ADD3: variants seen among roughly 807,000 people sequenced by gnomAD.
ADD3 encodes adducin 3.
ADD3 carries 25 observed loss-of-function variants against 80.2 expected under a neutral mutation model. The ratio of observed to expected loss-of-function variants is 0.31; its 90% CI spans 0.23 to 0.44. The LOEUF (loss-of-function observed/expected upper bound fraction) is 0.44. Ranked by LOEUF, ADD3 falls within the 20% of genes least tolerant of loss-of-function variation. The pLI, the probability that ADD3 is intolerant of heterozygous loss-of-function variation, is 1.00. For missense variants in ADD3, 829 were observed against 847.5 expected, an observed-to-expected ratio of 0.98 and a Z score of 0.27; for synonymous variants, 284 against 289.6, an observed-to-expected ratio of 0.98 and a Z score of 0.20.
intron 1 of ADD3, among the ~76,000 whole-genome samples, chr10:110,063,999 A>G (rs531009210): frequency 6.6e-6 from 1 of 151,810 alleles, no homozygotes; most frequent in Non-Finnish European, 1.5e-5. Flanking sequence ...GAATCATTCA[A>G]TATCTACTCT....
Position 110,026,740 on chromosome 10 carries a change from A to T in ADD3, c.-30+18441A>T, listed in dbSNP as rs565887621. ...AAAAATCTTATAGGTCAGTTTTTAT[A>T]AAAACTATGTAATATTTCTTTTAAG... On this transcript the variant is annotated intron_variant, in intron 1 of 14. Coordinates refer to ENST00000356080, the MANE Select transcript of ADD3 (RefSeq NM_016824.5). Among the ~76,000 whole-genome samples, 8 of 152,118 alleles carry T rather than the reference A, an allele frequency of 5.3e-5. No homozygotes were observed. The South Asian group carries it at 1.7e-3, about 32-fold the overall frequency.
intron 1 of ADD3, among the ~76,000 whole-genome samples, chr10:110,049,704 G>T (rs539297662): frequency 6.6e-6 from 1 of 152,104 alleles, no homozygotes; most frequent in Admixed American, 6.6e-5. Flanking sequence ...TGGCTAACAC[G>T]GTGAAACCCC....
chr10:110,092,181 G>C (rs750549827), intron 1 of ADD3, among the ~76,000 whole-genome samples: 1 of 152,114 alleles, frequency 6.6e-6, no homozygotes, highest in Non-Finnish European at 1.5e-5. Context: ...ATTTAAAACA[G>C]AACTACCATT....
At chr10:110,019,275 T>C (rs1388001198) in intron 1 of ADD3, among the ~76,000 whole-genome samples, 1 of 152,202 alleles carries the variant, frequency 6.6e-6, no homozygotes, top group Non-Finnish European at 1.5e-5. Context: ...TCACTCAGAC[T>C]TGTCATGTTT....
chr10:110,003,302 G>GGTGTGTGTGTGTGTGTGTGTGTGTGTGT (rs1554893815), upstream of ADD3, among the ~76,000 whole-genome samples: 37 of 147,026 alleles, frequency 2.5e-4, no homozygotes, highest in African/African-American at 7.9e-4. Flanking sequence ...GAACAGTAAG[G>GGTGTGTGTGTGTGTGTGTGTGTGTGTGT]GTGTGTGTGT....
intron 1 of ADD3, among the ~76,000 whole-genome samples, chr10:110,059,630 G>A (rs1278090227): frequency 2.0e-5 from 3 of 152,008 alleles, no homozygotes; most frequent in Non-Finnish European, 4.4e-5. Flanking sequence ...TTAGCCGGGC[G>A]TGGTGGCTTG....
At chr10:110,116,701 T>C (rs1380934472) in intron 4 of ADD3, among the ~76,000 whole-genome samples, 1 of 152,232 alleles carries the variant, frequency 6.6e-6, no homozygotes, top group Non-Finnish European at 1.5e-5. Flanking sequence ...TCCATGATAA[T>C]TATGTCTGAG....
chr10:110,042,110 C>A (rs1330609389), intron 1 of ADD3, among the ~76,000 whole-genome samples: 1 of 152,074 alleles, frequency 6.6e-6, no homozygotes, highest in African/African-American at 2.4e-5. Context: ...TGGAAATAAA[C>A]TTTGTGATTA....
chr10:110,081,301 A>G (rs1008711079), intron 1 of ADD3, among the ~76,000 whole-genome samples: 1 of 152,188 alleles, frequency 6.6e-6, no homozygotes, highest in African/African-American at 2.4e-5. Context: ...AAGACCTTCT[A>G]GCAGCCAAGC....
chr10:109,996,850 T>C (rs1168123158), intron 1 of ADD3, among the ~76,000 whole-genome samples: 5 of 152,228 alleles, frequency 3.3e-5, no homozygotes, highest in Non-Finnish European at 1.5e-5. Flanking sequence ...CATGGAGCTC[T>C]TCACTCTCTT....
chr10:110,083,546 T>C (rs779449374), intron 1 of ADD3, among the ~76,000 whole-genome samples: 1 of 151,538 alleles, frequency 6.6e-6, no homozygotes, highest in Non-Finnish European at 1.5e-5. Context: ...AGAAGAAGTA[T>C]GGTGAGCAAA....
intron 2 of ADD3, among the ~76,000 whole-genome samples, chr10:110,107,586 T>C (rs1375114951): frequency 6.6e-6 from 1 of 152,182 alleles, no homozygotes; most frequent in Non-Finnish European, 1.5e-5. Context: ...CCATTTTGTT[T>C]ACACAATTTT....
At position 110,126,498 on chromosome 10, in the gene ADD3, C is replaced by A. The variant is rs756410209; in HGVS notation, c.1603C>A (p.Pro535Thr). ...TGCTGGAATTGTTGTGGATAAGCCA[C>A]CTTCTGTAAGTTTATGAAGTAGTAT... ...LLAGIVVDKP[P>T]STMQFEDDDH... Residue 535 changes from proline to threonine, a missense_variant, in exon 12 of 15, where the codon CCT becomes ACT. Pro to Thr is a conservative substitution (Grantham distance 38, BLOSUM62 -1). Coordinates refer to ENST00000356080, the MANE Select transcript of ADD3 (RefSeq NM_016824.5). 2.5e-6 allele frequency: 4 copies of A among 1,610,496 alleles called. No individual in the cohort carries two copies. The Admixed American group carries it at 6.7e-5, about 27-fold the overall frequency.
chr10:110,110,352 G>C (rs568844209), intron 2 of ADD3, among the ~76,000 whole-genome samples: 2 of 152,272 alleles, frequency 1.3e-5, no homozygotes, highest in South Asian at 4.1e-4. Flanking sequence ...ACTAGAGTCT[G>C]TTCAGTCCAC....
At chr10:110,002,462 G>C (rs1851505560), upstream of ADD3, among the ~76,000 whole-genome samples, 1 of 151,940 alleles carries the variant, frequency 6.6e-6, no homozygotes, top group African/African-American at 2.4e-5. Context: ...TTTTAGTAGA[G>C]ACGGGGTTTC....
intron 14 of ADD3, among the ~76,000 whole-genome samples, 167 bp from the exon 15 acceptor site, chr10:110,133,159 G>T (rs948362844): frequency 6.6e-6 from 1 of 152,002 alleles, no homozygotes; most frequent in Non-Finnish European, 1.5e-5. Context: ...TATCATTAAA[G>T]AAAATTAGCT....
chr10:110,048,291 T>G (rs1351713035), intron 1 of ADD3, among the ~76,000 whole-genome samples: 1 of 152,206 alleles, frequency 6.6e-6, no homozygotes, highest in Non-Finnish European at 1.5e-5. Context: ...TATCCAGCCT[T>G]GGGTATGTCT....
At chr10:110,003,203 A>G (rs1851520539), upstream of ADD3, among the ~76,000 whole-genome samples, 1 of 152,162 alleles carries the variant, frequency 6.6e-6, no homozygotes, top group Non-Finnish European at 1.5e-5. Flanking sequence ...AGAGGATTCT[A>G]TAAATTCTTG....
rs746780688 is a variant in ADD3, at chr10:110,125,906, A to G, written c.1482A>G (p.Leu494=). ...AAGATCCAAATCAGTTTGTTCCTTT[A>G]AACACAAACCCGAATGAGGTACTAG... The part of the protein sequence containing the change: ...KIEDPNQFVP[L]NTNPNEVLEK... The change falls in exon 11 of 15, where the codon TTA becomes TTG. Residue 494 remains leucine (L), a synonymous_variant. Transcript: ENST00000356080. 1.2e-6 allele frequency: 2 copies of G among 1,609,984 alleles called. No individual in the cohort carries two copies. Among genetic ancestry groups the G allele is most frequent in the Admixed American group, 1.7e-5 (1 of 59,922 alleles).
Sources: allele counts gnomAD v4.1 joint callset (sites outside exome capture counted in the v4.1 genomes callset), GRCh38; gene constraint gnomAD v4.1.1; transcripts MANE v1.5; gene names NCBI Gene and HGNC (gene_info 2026-07-23, HGNC 2026-07-21).